The following PCDHGB2 variants were observed in gnomAD, a reference collection of about 807,000 sequenced individuals.
The protein encoded by PCDHGB2 is protocadherin gamma-B2.
PCDHGB2 carries 55 observed loss-of-function variants against 59.3 expected under a neutral mutation model. That is an observed-to-expected ratio of 0.93 (90% confidence interval 0.75 to 1.16). The LOEUF is 1.16. PCDHGB2 is among the 50% of genes most tolerant of loss of function. The pLI is 0.00. For synonymous variants in PCDHGB2, 516 were observed against 512.0 expected, an observed-to-expected ratio of 1.01 and a Z score of -0.11; for missense variants, 1,228 against 1,198.5, an observed-to-expected ratio of 1.02 and a Z score of -0.36.
intron 1 of PCDHGB2, chr5:141,393,689 C>G (rs2150535299): frequency 6.2e-7 from 1 of 1,613,890 alleles, no homozygotes; most frequent in Middle Eastern, 1.7e-4. Context: ...CTCCGTTATT[C>G]CAGCTTAATG....
chr5:141,384,771 C>T (rs568102289), intron 1 of PCDHGB2: 36 of 1,613,878 alleles, frequency 2.2e-5, no homozygotes, highest in Admixed American at 1.7e-4. Context: ...TGTACACGGG[C>T]GAGGTGCGCA....
At chr5:141,470,165 G>C (rs559578238) in intron 1 of PCDHGB2, among the ~76,000 whole-genome samples, 1 of 152,276 alleles carries the variant, frequency 6.6e-6, no homozygotes, top group Non-Finnish European at 1.5e-5. Context: ...TCAAATCAAA[G>C]TATGCAAAAT....
chr5:141,474,900 T>C (rs577411783), intron 1 of PCDHGB2, among the ~76,000 whole-genome samples: 2 of 152,368 alleles, frequency 1.3e-5, no homozygotes, highest in South Asian at 2.1e-4. Flanking sequence ...TCATTTCTTG[T>C]TCAAGGATAT....
chr5:141,371,309 A>T (rs1046676611), intron 1 of PCDHGB2: 4 of 1,613,894 alleles, frequency 2.5e-6, no homozygotes, highest in African/African-American at 1.3e-5. Flanking sequence ...CCACTATTGG[A>T]GAACTGGACT....
chr5:141,428,077 A>G (rs2097107152), intron 1 of PCDHGB2: 4 of 1,609,206 alleles, frequency 2.5e-6, no homozygotes, highest in South Asian at 1.1e-5. Flanking sequence ...GATTCGGGAC[A>G]CAACGCTTGG....
chr5:141,378,222 A>G (rs574464825), intron 1 of PCDHGB2: 1 of 152,350 alleles, frequency 6.6e-6, no homozygotes, highest in South Asian at 2.1e-4. Flanking sequence ...TGTGTGCCTG[A>G]TAGTATTTAA....
intron 1 of PCDHGB2, among the ~76,000 whole-genome samples, chr5:141,444,463 G>T (rs570185430): frequency 6.6e-6 from 1 of 152,144 alleles, no homozygotes; most frequent in Admixed American, 6.5e-5. Flanking sequence ...GAGTCACTGC[G>T]CCCGGTCGCG....
intron 1 of PCDHGB2, chr5:141,410,800 T>G: frequency 1.5e-6 from 1 of 678,550 alleles, no homozygotes. Context: ...TAAGTTGCTC[T>G]ATCTTTTTGT....
intron 1 of PCDHGB2, chr5:141,441,982 G>T: frequency 3.6e-6 from 1 of 277,096 alleles, no homozygotes; most frequent in South Asian, 3.6e-5. Flanking sequence ...CCTGGAATGC[G>T]CACCGACGAG....
chr5:141,430,723 A>C lies in PCDHGB2; in HGVS notation c.2422-64084A>C, dbSNP rs554822923. ...GAACTGCTCCTGACTTCAGTGGTTAAGGGCAGAATTGAAAATAATTCTGGA... is the reference window on the plus strand; with the variant it reads ...GAACTGCTCCTGACTTCAGTGGTTACGGGCAGAATTGAAAATAATTCTGGA... On this transcript the variant is annotated intron_variant, in intron 1 of 3. Transcript: ENST00000522605. 58 of 1,493,590 alleles carry C rather than the reference A, an allele frequency of 3.9e-5. No homozygotes were observed. The African/African-American group carries it at 7.7e-4, about 20-fold the overall frequency. The allele number at this position is 1,493,590 out of a possible 1,614,324, so 92.5% of individuals were successfully genotyped here. A position where few individuals can be genotyped will look rare whatever the true frequency, so the allele number is the denominator to read the frequency against.
chr5:141,362,722 T>C, intron 1 of PCDHGB2, 166 bp downstream of exon 1: 3 of 871,460 alleles, frequency 3.4e-6, no homozygotes, highest in Non-Finnish European at 5.1e-6. Context: ...CTCTCTGAAG[T>C]GTGAGATTTA....
At position 141,431,754 on chromosome 5, in the gene PCDHGB2, A is replaced by C; in HGVS notation, c.2422-63053A>C. ...AATGCAGGATATTCTGCGCGAGCCA[A>C]AGTCCTGATCACTGTTCTGGACGTG... On this transcript the variant is annotated intron_variant, in intron 1 of 3. Transcript: ENST00000522605. The surrounding 1 kb of genome is among the most constrained non-coding windows in gnomAD (Gnocchi z 4.8). The C allele has an allele frequency of 6.2e-7, 1 of 1,614,208 alleles. No individual in the cohort carries two copies. Among genetic ancestry groups the C allele is most frequent in the Middle Eastern group, 1.6e-4 (1 of 6,062 alleles).
intron 1 of PCDHGB2, chr5:141,427,962 G>T: frequency 2.5e-6 from 4 of 1,590,100 alleles, no homozygotes; most frequent in Non-Finnish European, 3.4e-6. Flanking sequence ...TGTGCCGCGG[G>T]TGCTGTACCC....
intron 1 of PCDHGB2, chr5:141,430,537 A>T (rs1270804825): frequency 7.8e-6 from 3 of 385,890 alleles, no homozygotes; most frequent in African/African-American, 2.1e-5. Flanking sequence ...TAGGACTCTG[A>T]GCGCCGCTGT....
At chr5:141,506,172 TG>T (rs2099850913) in intron 3 of PCDHGB2, among the ~76,000 whole-genome samples, 1 of 152,128 alleles carries the variant, frequency 6.6e-6, no homozygotes, top group South Asian at 2.1e-4. Flanking sequence ...CAGCCTAAGC[TG>T]GGCGTGGTGG....
intron 1 of PCDHGB2, chr5:141,414,488 C>T (rs755499269): frequency 2.5e-6 from 4 of 1,613,914 alleles, no homozygotes; most frequent in African/African-American, 2.7e-5. Flanking sequence ...CCTCTATCAA[C>T]GGAAGCTCAC....
chr5:141,366,572 G>T (rs1454034279), intron 1 of PCDHGB2: 1 of 1,614,148 alleles, frequency 6.2e-7, no homozygotes, highest in African/African-American at 1.3e-5. Flanking sequence ...TGGGGTTCGG[G>T]CTTTCCTGCA....
Position 141,476,383 on chromosome 5 carries a change from C to T in PCDHGB2, c.2422-18424C>T, listed in dbSNP as rs547854431. The T allele has an allele frequency of 6.2e-7, 1 of 1,613,984 alleles. No homozygotes were observed. The highest frequency in any genetic ancestry group is 8.5e-7 in the Non-Finnish European group (1 of 1,180,044). On this transcript the variant is annotated intron_variant, in intron 1 of 3. Coordinates refer to ENST00000522605, the MANE Select transcript of PCDHGB2 (RefSeq NM_018923.3). This position sits in a 1 kb window ranked among gnomAD's most constrained non-coding sequence, Gnocchi z 7.6. ...GGGAGACCGGAGAGATGTTTGTGAA[C>T]GACCGTCTGGATCGAGAGGAGCTGT...
At chr5:141,449,215 T>C (rs2098631967) in intron 1 of PCDHGB2, among the ~76,000 whole-genome samples, 2 of 152,170 alleles carry the variant, frequency 1.3e-5, no homozygotes, top group Non-Finnish European at 2.9e-5. Context: ...ACTTTCTGTT[T>C]TGAAATGATT....
Sources: allele counts gnomAD v4.1 joint callset (sites outside exome capture counted in the v4.1 genomes callset), GRCh38; gene constraint gnomAD v4.1.1; non-coding constraint Gnocchi (gnomAD v3.1); transcripts MANE v1.5; gene names NCBI Gene and HGNC (gene_info 2026-07-23, HGNC 2026-07-21).